The following ST6GALNAC5 variants were observed in gnomAD, a reference collection of about 807,000 sequenced individuals.
ST6GALNAC5 encodes alpha-N-acetylgalactosaminide alpha-2,6-sialyltransferase 5.
Under a neutral mutation model 33.6 loss-of-function variants are expected in ST6GALNAC5, and 27 were observed. The observed-to-expected ratio is 0.80, with a 90% CI of 0.59 to 1.11. ST6GALNAC5 has a LOEUF of 1.11. Among genes scored for constraint, ST6GALNAC5 ranks in the 50% least tolerant of loss-of-function variants. The pLI, the probability that ST6GALNAC5 is intolerant of heterozygous loss-of-function variation, is 0.00. For synonymous variants in ST6GALNAC5, 194 were observed against 171.2 expected (o/e 1.13, Z -1.04); for missense variants, 428 against 454.0 (o/e 0.94, Z 0.52).
At chr1:76,968,230 G>T (rs1570719031) in intron 2 of ST6GALNAC5, among the ~76,000 whole-genome samples, 1 of 152,108 alleles carries the variant, frequency 6.6e-6, no homozygotes, top group South Asian at 2.1e-4. Flanking sequence ...TCCCTTTGTA[G>T]GTCTCTAAGG....
chr1:77,007,915 C>G (rs1171318102), intron 2 of ST6GALNAC5, among the ~76,000 whole-genome samples: 2 of 152,356 alleles, frequency 1.3e-5, no homozygotes, highest in Middle Eastern at 3.4e-3. Flanking sequence ...GGCTACTGAT[C>G]TTTACAGCTC....
At chr1:77,028,528 A>G (rs895222558) in intron 2 of ST6GALNAC5, among the ~76,000 whole-genome samples, 1 of 152,218 alleles carries the variant, frequency 6.6e-6, no homozygotes, top group African/African-American at 2.4e-5. Context: ...TTCAACCAAC[A>G]TTTATTGAGT....
At chr1:76,940,161 C>T (rs1647299306) in intron 2 of ST6GALNAC5, among the ~76,000 whole-genome samples, 1 of 151,998 alleles carries the variant, frequency 6.6e-6, no homozygotes, top group East Asian at 1.9e-4. Flanking sequence ...GCTATAATTA[C>T]TGGACACGAC....
Position 76,868,580 on chromosome 1 carries a change from G to A in ST6GALNAC5, c.99G>A (p.Lys33=). 2 of 1,612,790 alleles carry A rather than the reference G, an allele frequency of 1.2e-6. No homozygotes were observed. Among genetic ancestry groups the A allele is most frequent in the Non-Finnish European group, 1.7e-6 (2 of 1,179,590 alleles). ...LLVYSSLGGQ[K]ERPPQQQQQQ... ...TGTACAGCAGCCTCGGCGGCCAGAA[G>A]GAGCGGCCCCCGCAGCAGCAGCAGC... is the stretch of plus-strand genomic sequence containing the variant. The change falls in exon 2 of 5, where the codon AAG becomes AAA. Residue 33 remains lysine (K), a synonymous_variant. Coordinates refer to ENST00000477717, the MANE Select transcript of ST6GALNAC5 (RefSeq NM_030965.3). This position sits in a 1 kb window ranked among gnomAD's most constrained non-coding sequence, Gnocchi z 4.3.
intron 2 of ST6GALNAC5, among the ~76,000 whole-genome samples, chr1:76,980,485 G>A (rs1450433031): frequency 6.6e-6 from 1 of 152,064 alleles, no homozygotes; most frequent in Non-Finnish European, 1.5e-5. Context: ...ATATTTTGAG[G>A]CATATCAATT....
intron 2 of ST6GALNAC5, among the ~76,000 whole-genome samples, chr1:76,875,374 CA>C (rs1465870480): frequency 5.3e-5 from 8 of 152,252 alleles, no homozygotes; most frequent in Admixed American, 1.3e-4. Context: ...ACCTAATGGA[CA>C]CCCTAAAGGA....
intron 2 of ST6GALNAC5, among the ~76,000 whole-genome samples, chr1:76,992,288 T>C (rs1305606127): frequency 2.6e-5 from 4 of 152,208 alleles, no homozygotes; most frequent in Non-Finnish European, 1.5e-5. Flanking sequence ...CATCTGATTT[T>C]AGTCAATAAT....
intron 2 of ST6GALNAC5, among the ~76,000 whole-genome samples, chr1:76,940,172 T>C (rs1397179621): frequency 1.3e-5 from 2 of 152,060 alleles, no homozygotes; most frequent in African/African-American, 2.4e-5. Flanking sequence ...TGGACACGAC[T>C]CTAAGTAGCA....
Position 77,023,350 on chromosome 1 carries a change from G to A in ST6GALNAC5, c.262-20854G>A, listed in dbSNP as rs563022210. ...CTAAAACCCCCTTGCACATCCCTAG[G>A]TACAGCTCTGTGCATGGTGACAGTG... On this transcript the variant is annotated intron_variant, in intron 2 of 4. Transcript: ENST00000477717. Among the ~76,000 whole-genome samples the A allele has an allele frequency of 1.5e-4, 23 of 152,234 alleles. No individual in the cohort carries two copies. The South Asian group carries it at 4.4e-3, about 29-fold the overall frequency.
In ST6GALNAC5 at chr1:77,066,533, A is replaced by G. The variant is rs1367979355; in HGVS notation, c.*3327A>G. 6.6e-6 allele frequency among the ~76,000 whole-genome samples: 1 copy of G among 152,250 alleles called. No individual in the cohort carries two copies. Among genetic ancestry groups the G allele is most frequent in the African/African-American group, 2.4e-5 (1 of 41,470 alleles). On this transcript the variant is annotated 3_prime_UTR_variant, in exon 5 of 5. Transcript: ENST00000477717. ...AAGTTGAAATTCTATTAGGATTAAG[A>G]CAGTGTTATTTAAAGGCACATGCAC...
chr1:77,063,488 G>T lies in ST6GALNAC5; in HGVS notation c.*282G>T. 2 of 413,076 alleles carry T rather than the reference G, an allele frequency of 4.8e-6. No individual in the cohort carries two copies. The highest frequency in any genetic ancestry group is 8.7e-5 in the East Asian group (2 of 22,932). The allele number at this position is 413,076 out of a possible 1,614,324, so 25.6% of individuals were successfully genotyped here. A position where few individuals can be genotyped will look rare whatever the true frequency, so the allele number is the denominator to read the frequency against. On this transcript the variant is annotated 3_prime_UTR_variant, in exon 5 of 5. Coordinates refer to ENST00000477717, the MANE Select transcript of ST6GALNAC5 (RefSeq NM_030965.3). ...CACCACTATGACTAAAAACAGTTTG[G>T]ATCTCTTAGTATTGCCTTTGAAACT...
chr1:77,004,200 C>G (rs917656068), intron 2 of ST6GALNAC5, among the ~76,000 whole-genome samples: 2 of 150,662 alleles, frequency 1.3e-5, no homozygotes, highest in African/African-American at 2.4e-5. Flanking sequence ...TCTTTTTATT[C>G]TTTTTTCTCT....
intron 2 of ST6GALNAC5, among the ~76,000 whole-genome samples, chr1:76,956,688 T>C (rs1201884921): frequency 6.6e-6 from 1 of 152,162 alleles, no homozygotes; most frequent in Non-Finnish European, 1.5e-5. Flanking sequence ...TCTAGAACTT[T>C]CCCTCCACTC....
chr1:76,905,871 T>G (rs116576100), intron 2 of ST6GALNAC5, among the ~76,000 whole-genome samples: 2,116 of 152,254 alleles, frequency 0.014, 43 homozygotes, highest in African/African-American at 0.048. Context: ...AGCAATAAAT[T>G]CATCTCTTTA....
chr1:76,964,493 A>G (rs1648376334), intron 2 of ST6GALNAC5, among the ~76,000 whole-genome samples: 1 of 152,128 alleles, frequency 6.6e-6, no homozygotes, highest in Admixed American at 6.6e-5. Context: ...CCTCAGAGAT[A>G]AAGTTTCTGA....
rs1652734225 is a variant in ST6GALNAC5, at chr1:77,065,285, A to C, written c.*2079A>C. The C allele has an allele frequency of 6.6e-6, 1 of 152,202 alleles. No homozygotes were observed. The highest frequency in any genetic ancestry group is 1.5e-5 in the Non-Finnish European group (1 of 68,030). 9.4% of individuals were successfully genotyped at this position (152,202 alleles called of 1,614,324 possible). ...TTGGAAAGGCATAGTTTCAACATGCAAGAATGTAATTATATTGCTTCATCT... is the reference window on the plus strand; with the variant it reads ...TTGGAAAGGCATAGTTTCAACATGCCAGAATGTAATTATATTGCTTCATCT... On this transcript the variant is annotated 3_prime_UTR_variant, in exon 5 of 5. Transcript: ENST00000477717.
chr1:77,033,128 C>T (rs1651519699), intron 2 of ST6GALNAC5, among the ~76,000 whole-genome samples: 1 of 152,140 alleles, frequency 6.6e-6, no homozygotes. Context: ...CTGAGGTGAG[C>T]CAGTGCGTAA....
At chr1:76,900,550 AAG>A (rs1471531828) in intron 2 of ST6GALNAC5, among the ~76,000 whole-genome samples, 3 of 152,238 alleles carry the variant, frequency 2.0e-5, no homozygotes, top group African/African-American at 7.2e-5. Flanking sequence ...GTCTGCCAAA[AAG>A]AGAGCCAATT....
chr1:76,902,430 G>A (rs1213543864), intron 2 of ST6GALNAC5, among the ~76,000 whole-genome samples: 1 of 152,078 alleles, frequency 6.6e-6, no homozygotes, highest in Admixed American at 6.5e-5. Context: ...ATCTTGTTAA[G>A]ATAATAGTGC....
Sources: allele counts gnomAD v4.1 joint callset (sites outside exome capture counted in the v4.1 genomes callset), GRCh38; gene constraint gnomAD v4.1.1; non-coding constraint Gnocchi (gnomAD v3.1); transcripts MANE v1.5; gene names NCBI Gene and HGNC (gene_info 2026-07-23, HGNC 2026-07-21).